The following SLC44A1 variants were observed in gnomAD, a reference collection of about 807,000 sequenced individuals.
The protein encoded by SLC44A1 is solute carrier family 44 member 1.
In SLC44A1, 26 loss-of-function variants were observed where a neutral mutation model predicts 79.3. The observed-to-expected ratio is 0.33, with a 90% CI of 0.24 to 0.46. The LOEUF is 0.46. Among genes scored for constraint, SLC44A1 ranks in the 20% least tolerant of loss-of-function variants. The probability of loss-of-function intolerance (pLI) is 1.00; values close to 1 mark genes in which losing one functional copy is unlikely to be tolerated. For synonymous variants in SLC44A1, 263 were observed against 286.2 expected (o/e 0.92, Z 0.82); for missense variants, 688 against 798.1 (o/e 0.86, Z 1.66).
In SLC44A1 at chr9:105,383,336, T is replaced by A; in HGVS notation, c.1846T>A (p.Phe616Ile). Reference protein sequence around the residue: ...KYNDGSPGREFYMDKVLMEFV... With the variant: ...KYNDGSPGREIYMDKVLMEFV... Reference sequence around the variant, plus strand: ...CAATGATGGGAGCCCTGGCAGAGAATTCTATATGGATAAAGTGCTGATGGT... The same window carrying A: ...CAATGATGGGAGCCCTGGCAGAGAAATCTATATGGATAAAGTGCTGATGGT... Residue 616 changes from phenylalanine (F) to isoleucine (I), a missense_variant, in exon 14 of 16, where the codon TTC (phenylalanine) becomes ATC (isoleucine). Physicochemically the swap from Phe to Ile is conservative, Grantham distance 21. Coordinates refer to ENST00000374720, the MANE Select transcript of SLC44A1 (RefSeq NM_080546.5). 1 of 1,606,466 alleles carries A rather than the reference T, an allele frequency of 6.2e-7. No individual in the cohort carries two copies. The highest frequency in any genetic ancestry group is 8.5e-7 in the Non-Finnish European group (1 of 1,172,990).
chr9:105,377,857 A>G (rs1055862045), intron 13 of SLC44A1, among the ~76,000 whole-genome samples: 1 of 152,166 alleles, frequency 6.6e-6, no homozygotes. Flanking sequence ...ACTTTTTATT[A>G]TATCTTTTTA....
chr9:105,398,727 C>T (rs142361852), downstream of SLC44A1, among the ~76,000 whole-genome samples: 198 of 152,274 alleles, frequency 1.3e-3, 1 homozygote, highest in African/African-American at 4.6e-3. Flanking sequence ...AAAACTCTTA[C>T]ACATGTTGAA....
chr9:105,394,873 A>AGATTC lies in SLC44A1; in HGVS notation c.*5818_*5822dup. On this transcript the variant is annotated 3_prime_UTR_variant, in exon 16 of 16. Transcript: ENST00000374720. ...TCCAGTCACCCACTAGAGCAGCTTC[A>AGATTC]GATTCCTCTGCCAATAGAACTCCAC... 2.0e-6 allele frequency: 2 copies of AGATTC among 985,456 alleles called. No individual in the cohort carries two copies. Among genetic ancestry groups the AGATTC allele is most frequent in the Non-Finnish European group, 2.4e-6 (2 of 829,962 alleles). 61.0% of individuals were successfully genotyped at this position (985,456 alleles called of 1,614,324 possible). A position where few individuals can be genotyped will look rare whatever the true frequency, so the allele number is the denominator to read the frequency against.
At position 105,391,715 on chromosome 9, in the gene SLC44A1, T is replaced by C; in HGVS notation, c.*2659T>C. 1.0e-6 allele frequency: 1 copy of C among 985,328 alleles called. No individual in the cohort carries two copies. Among genetic ancestry groups the C allele is most frequent in the Non-Finnish European group, 1.2e-6 (1 of 829,878 alleles). 61.0% of individuals were successfully genotyped at this position (985,328 alleles called of 1,614,324 possible). ...TTCAGCTAGCTATGGGCTGCCTTAT[T>C]GCTATTCGCTCACTGCTTCCATCTT... On this transcript the variant is annotated 3_prime_UTR_variant, in exon 16 of 16. Transcript: ENST00000374720.
intron 4 of SLC44A1, among the ~76,000 whole-genome samples, chr9:105,341,591 A>G (rs1390918504): frequency 2.0e-5 from 3 of 152,172 alleles, no homozygotes; most frequent in Non-Finnish European, 4.4e-5. Context: ...CCTAGGGGCA[A>G]GCTCATGCTC....
At chr9:105,318,229 G>A (rs1006322512) in intron 3 of SLC44A1, among the ~76,000 whole-genome samples, 3 of 144,294 alleles carry the variant, frequency 2.1e-5, no homozygotes, top group Non-Finnish European at 4.4e-5. Flanking sequence ...ACCCAGGCTG[G>A]AGTGCAATGG....
chr9:105,359,741 A>T (rs188962274), intron 7 of SLC44A1, among the ~76,000 whole-genome samples: 2 of 152,150 alleles, frequency 1.3e-5, no homozygotes, highest in Non-Finnish European at 2.9e-5. Flanking sequence ...ACATTTTTCC[A>T]GACAATTTTC....
At chr9:105,388,019 AT>A (rs1173761140) in intron 15 of SLC44A1, among the ~76,000 whole-genome samples, 1 of 152,160 alleles carries the variant, frequency 6.6e-6, no homozygotes, top group Non-Finnish European at 1.5e-5. Context: ...TCATCAGTTC[AT>A]TGCTTGCAGA....
At chr9:105,368,450 A>G (rs1312841477) in intron 12 of SLC44A1, among the ~76,000 whole-genome samples, 3 of 152,162 alleles carry the variant, frequency 2.0e-5, no homozygotes, top group African/African-American at 7.2e-5. Flanking sequence ...TGTGGTCAAC[A>G]CAACTCTGTA....
chr9:105,435,560 T>C (rs1250568275), intron 15 of SLC44A1, among the ~76,000 whole-genome samples: 1 of 152,180 alleles, frequency 6.6e-6, no homozygotes, highest in Non-Finnish European at 1.5e-5. Flanking sequence ...CAGGAACATA[T>C]CACAATGGTG....
At chr9:105,312,854 G>T (rs1458616402) in intron 3 of SLC44A1, among the ~76,000 whole-genome samples, 1 of 152,046 alleles carries the variant, frequency 6.6e-6, no homozygotes, top group Non-Finnish European at 1.5e-5. Context: ...TCTCTAATCT[G>T]CTCCATCCTT....
chr9:105,335,840 T>C (rs1483906247), intron 4 of SLC44A1, 141 bp downstream of exon 4: 1 of 830,150 alleles, frequency 1.2e-6, no homozygotes, highest in Non-Finnish European at 1.8e-6. Flanking sequence ...AAAAATATTA[T>C]AGTCACCCAG....
intron 3 of SLC44A1, among the ~76,000 whole-genome samples, chr9:105,323,245 T>C (rs959465633): frequency 6.7e-6 from 1 of 149,696 alleles, no homozygotes; most frequent in African/African-American, 2.5e-5. Flanking sequence ...AGAAAGAAAT[T>C]AAATAATACC....
At chr9:105,384,629 G>A (rs1828574595) in intron 14 of SLC44A1, among the ~76,000 whole-genome samples, 2 of 152,132 alleles carry the variant, frequency 1.3e-5, no homozygotes, top group African/African-American at 4.8e-5. Context: ...TTTTCTTAAT[G>A]GAATTTGATC....
At chr9:105,432,307 A>C (rs557705344) in intron 15 of SLC44A1, among the ~76,000 whole-genome samples, 1 of 152,294 alleles carries the variant, frequency 6.6e-6, no homozygotes, top group South Asian at 2.1e-4. Flanking sequence ...CTCTTTGTCA[A>C]TAATTAGCCA....
At chr9:105,377,558 C>A (rs375776471) in intron 13 of SLC44A1, among the ~76,000 whole-genome samples, 30 of 151,384 alleles carry the variant, frequency 2.0e-4, no homozygotes, top group African/African-American at 7.3e-4. Context: ...CAAGACCAGC[C>A]TGGCCAACAA....
At chr9:105,374,970 A>G (rs1270168772) in intron 13 of SLC44A1, among the ~76,000 whole-genome samples, 1 of 152,196 alleles carries the variant, frequency 6.6e-6, no homozygotes, top group Non-Finnish European at 1.5e-5. Context: ...TTTTACAGAG[A>G]GGGAAACTGA....
intron 15 of SLC44A1, chr9:105,386,494 C>T: frequency 1.1e-6 from 1 of 933,350 alleles, no homozygotes; most frequent in Non-Finnish European, 1.3e-6. Flanking sequence ...GCAAGTTTGT[C>T]CAACTTGCTG....
At chr9:105,400,349 T>TC (rs1201399287), downstream of SLC44A1, among the ~76,000 whole-genome samples, 2 of 149,234 alleles carry the variant, frequency 1.3e-5, no homozygotes, top group African/African-American at 5.0e-5. Context: ...ATTAGCTGAG[T>TC]GTGGTGGCGC....
Sources: gnomAD v4.1 joint callset for allele counts (sites outside exome capture counted in the v4.1 genomes callset) on GRCh38, gnomAD v4.1.1 for gene constraint, MANE v1.5 for transcripts, NCBI Gene and HGNC (gene_info 2026-07-23, HGNC 2026-07-21) for gene names.